The following UNC80 variants were observed in gnomAD, a reference collection of about 807,000 sequenced individuals.
The protein encoded by UNC80 is protein unc-80 homolog.
A neutral mutation model predicts 384.6 loss-of-function variants in UNC80; 164 were observed. The ratio of observed to expected loss-of-function variants is 0.43; its 90% CI spans 0.38 to 0.49. UNC80 has a LOEUF of 0.49. UNC80 is among the 20% of genes least tolerant of loss of function. UNC80 has a pLI of 0.00. For missense variants in UNC80, 3,330 were observed against 4,143.0 expected (o/e 0.80, Z 5.39); for synonymous variants, 1,486 against 1,527.8 (o/e 0.97, Z 0.64).
Position 209,969,806 on chromosome 2 carries a change from A to C in UNC80, c.8045A>C (p.Glu2682Ala). Residue 2682 changes from glutamate to alanine, a missense_variant, in exon 53 of 65, where the codon GAA becomes GCA. Transcript: ENST00000673920. ...TGGGAGCCTGCCAGCAATTTGATTG[A>C]AGGGGTTTGTTTGACACTTCAGAGG... ...VEWEPASNLI[E>A]GVCLTLQRQP... 6.4e-7 allele frequency: 1 copy of C among 1,551,634 alleles called. No homozygotes were observed. The highest frequency in any genetic ancestry group is 8.7e-7 in the Non-Finnish European group (1 of 1,146,976).
At chr2:209,821,893 A>G (rs1326680363) in intron 13 of UNC80, among the ~76,000 whole-genome samples, 2 of 152,216 alleles carry the variant, frequency 1.3e-5, no homozygotes, top group Non-Finnish European at 2.9e-5. Flanking sequence ...TATACTGTGT[A>G]GAGTTCTAGA....
chr2:209,858,135 G>T (rs984326542), intron 22 of UNC80, among the ~76,000 whole-genome samples: 1 of 152,104 alleles, frequency 6.6e-6, no homozygotes, highest in African/African-American at 2.4e-5. Context: ...TGACAAATAC[G>T]TTCATTTGTA....
chr2:209,944,352 A>T (rs115898836), intron 45 of UNC80, among the ~76,000 whole-genome samples: 3 of 152,116 alleles, frequency 2.0e-5, no homozygotes, highest in African/African-American at 4.8e-5. Flanking sequence ...ATCACATGTT[A>T]TATCTATTTG....
intron 4 of UNC80, among the ~76,000 whole-genome samples, chr2:209,777,985 C>T (rs564138284): frequency 5.3e-5 from 8 of 152,280 alleles, no homozygotes; most frequent in Non-Finnish European, 1.0e-4. Context: ...TGTCATAGTC[C>T]TCAAAATGCA....
intron 64 of UNC80, among the ~76,000 whole-genome samples, 189 bp from the exon 65 acceptor site, chr2:209,995,140 T>C (rs2093462429): frequency 6.6e-6 from 1 of 152,232 alleles, no homozygotes; most frequent in Non-Finnish European, 1.5e-5. Context: ...TGTGTTCATG[T>C]TACATGTTCA....
Position 209,977,018 on chromosome 2 carries a change from C to G in UNC80, c.8878C>G (p.Leu2960Val), listed in dbSNP as rs1185842248. 4.6e-6 allele frequency: 7 copies of G among 1,538,294 alleles called. No individual in the cohort carries two copies. The highest frequency in any genetic ancestry group is 6.2e-6 in the Non-Finnish European group (7 of 1,135,938). The change falls in exon 58 of 65, where the codon CTC becomes GTC. Residue 2960 changes from leucine to valine, a missense_variant. Physicochemically the swap from Leu to Val is conservative, Grantham distance 32. Transcript: ENST00000673920. ...FIPRPLCKSS[L>V]IAEFNSELKI... ...ACCACGCCCTTTGTGTAAGAGCTCG[C>G]TCATTGCTGAGTTCAACAGTGAACT... is the stretch of plus-strand genomic sequence containing the variant.
rs528310539 is a variant in UNC80, at chr2:209,825,247, T to C, written c.2332-660T>C. ...AGTTCCTTTTTTGGAAGCCATGTTT[T>C]CCACTAACAACAAAGATTAAATTGG... On this transcript the variant is annotated intron_variant, in intron 13 of 64. Transcript: ENST00000673920. Among the ~76,000 whole-genome samples the C allele has an allele frequency of 3.3e-5, 5 of 152,294 alleles. No homozygotes were observed. In the South Asian group the frequency reaches 8.3e-4, roughly 25 times the overall value.
chr2:209,913,723 C>A, intron 30 of UNC80, 79 bp from the exon 31 acceptor site: 1 of 1,398,228 alleles, frequency 7.2e-7, no homozygotes, highest in South Asian at 1.6e-5. Context: ...AGAGAGGGGA[C>A]GTGGCTTTTA....
intron 8 of UNC80, among the ~76,000 whole-genome samples, chr2:209,814,731 G>T (rs947553051): frequency 1.3e-5 from 2 of 152,108 alleles, no homozygotes; most frequent in Admixed American, 6.5e-5. Flanking sequence ...CCTCTTTCTC[G>T]TCAACACCAG....
intron 22 of UNC80, among the ~76,000 whole-genome samples, chr2:209,866,313 T>A (rs560495998): frequency 6.6e-6 from 1 of 152,258 alleles, no homozygotes; most frequent in South Asian, 2.1e-4. Flanking sequence ...TCAGATATAT[T>A]TTCCACTTCA....
At chr2:209,818,587 G>A (rs551033352) in intron 11 of UNC80, among the ~76,000 whole-genome samples, 118 of 152,124 alleles carry the variant, frequency 7.8e-4, no homozygotes, top group Non-Finnish European at 1.5e-3. Context: ...TTTAGCCAAA[G>A]GAGAAAAAAA....
intron 31 of UNC80, among the ~76,000 whole-genome samples, chr2:209,917,062 G>A (rs757108796): frequency 6.6e-6 from 1 of 152,132 alleles, no homozygotes; most frequent in Non-Finnish European, 1.5e-5. Flanking sequence ...CATTTCTTCT[G>A]GCACAACTGC....
intron 22 of UNC80, among the ~76,000 whole-genome samples, chr2:209,866,511 C>T (rs1242525328): frequency 6.6e-5 from 9 of 137,198 alleles, no homozygotes; most frequent in East Asian, 2.2e-4. Flanking sequence ...CACACACACA[C>T]ACACACACAC....
rs1279099694 is a variant in UNC80, at chr2:209,793,716, A to G, written c.799-4A>G. The G allele has an allele frequency of 1.9e-6, 3 of 1,613,568 alleles. No homozygotes were observed. On this transcript the variant is annotated splice_region_variant and splice_polypyrimidine_tract_variant and intron_variant, in intron 6 of 64. Coordinates refer to ENST00000673920, the MANE Select transcript of UNC80 (RefSeq NM_001371986.1). Reference sequence around the variant, plus strand: ...ACCTAATCTGCTATCTCTGCCTCCAAAAGGGACTCCAGGTGGTTTGTGAAA... The same window carrying G: ...ACCTAATCTGCTATCTCTGCCTCCAGAAGGGACTCCAGGTGGTTTGTGAAA...
chr2:209,974,135 C>A (rs1353177030), intron 56 of UNC80, among the ~76,000 whole-genome samples: 1 of 152,036 alleles, frequency 6.6e-6, no homozygotes, highest in Non-Finnish European at 1.5e-5. Context: ...TTCAATTCAC[C>A]AAAGCAGATA....
rs1241393730 is a variant in UNC80 at position 209,844,535 on chromosome 2, CCTTCCTTCCTTCCTTT to C, written c.3454+2090_3454+2105del. On this transcript the variant is annotated intron_variant, in intron 21 of 64. Transcript: ENST00000673920. ...TCCTTCCTTCCTTCCTTCCTTCCTT[CCTTCCTTCCTTCCTTT>C]TTCTTTCCAAATCTCCTTCTTTCTT... 9.9e-4 allele frequency among the ~76,000 whole-genome samples: 123 copies of C among 124,000 alleles called. 2 individuals are homozygous for C. The highest frequency in any genetic ancestry group is 3.7e-3 in the African/African-American group (113 of 30,282). 81.3% of individuals were successfully genotyped at this position (124,000 alleles called of 152,430 possible).
Position 209,976,520 on chromosome 2 carries a change from G to A in UNC80, c.8772+217G>A, listed in dbSNP as rs932556286. 2.0e-5 allele frequency among the ~76,000 whole-genome samples: 3 copies of A among 152,086 alleles called. No homozygotes were observed. The highest frequency in any genetic ancestry group is 7.3e-5 in the African/African-American group (3 of 41,368). ...CCTTCACAGTAAGAGCTTTGTTGGA[G>A]TCTGTAAAACTTTGCCCGCTCCCTA... On this transcript the variant is annotated intron_variant, in intron 57 of 64. Transcript: ENST00000673920. The surrounding 1 kb of genome is among the most constrained non-coding windows in gnomAD (Gnocchi z 4.3).
chr2:209,960,405 T>C (rs773409223), intron 51 of UNC80, among the ~76,000 whole-genome samples: 3 of 152,226 alleles, frequency 2.0e-5, no homozygotes, highest in Non-Finnish European at 4.4e-5. Flanking sequence ...GTATTTGTGT[T>C]TCAAAAGGAA....
chr2:209,917,805 G>A lies in UNC80; in HGVS notation c.5058G>A (p.Lys1686=), dbSNP rs2089680094. 2 of 1,552,160 alleles carry A rather than the reference G, an allele frequency of 1.3e-6. No individual in the cohort carries two copies. The highest frequency in any genetic ancestry group is 1.7e-4 in the Middle Eastern group (1 of 5,996). ...AAAMFLLCAV[K]VPEAVSDMLM... ...CCATGTTCCTGCTGTGTGCAGTGAAGGTGCCTGAGGCCGTGTCCGACATGC... is the reference window on the plus strand; with the variant it reads ...CCATGTTCCTGCTGTGTGCAGTGAAAGTGCCTGAGGCCGTGTCCGACATGC... Residue 1686 remains lysine, a synonymous_variant, in exon 32 of 65, where the codon AAG becomes AAA. Coordinates refer to ENST00000673920, the MANE Select transcript of UNC80 (RefSeq NM_001371986.1).
Sources: gnomAD v4.1 joint callset for allele counts (sites outside exome capture counted in the v4.1 genomes callset) on GRCh38, gnomAD v4.1.1 for gene constraint, Gnocchi (gnomAD v3.1) non-coding constraint, MANE v1.5 for transcripts, NCBI Gene and HGNC (gene_info 2026-07-23, HGNC 2026-07-21) for gene names.